The following ZFPM1 variants were observed in gnomAD, a reference collection of about 807,000 sequenced individuals.
ZFPM1 encodes zinc finger protein, FOG family member 1.
In ZFPM1, 28 loss-of-function variants were observed where a neutral mutation model predicts 46.3. The ratio of observed to expected loss-of-function variants is 0.60; its 90% CI spans 0.45 to 0.83. The LOEUF is 0.83. ZFPM1 is among the 40% of genes least tolerant of loss of function. ZFPM1 has a pLI of 0.00. For synonymous variants in ZFPM1, 957 were observed against 675.9 expected (o/e 1.42, Z -6.45); for missense variants, 1,878 against 1,432.4 (o/e 1.31, Z -5.02).
rs752835046 is a variant in ZFPM1, at chr16:88,534,084, G to A, written c.2126G>A (p.Arg709His). ...CACAAGCGGTACTACTGCGCCTCGC[G>A]CCACGACCCGCCGCCGCGCCGACCG... Reference protein sequence around the residue: ...TVHKRYYCASRHDPPPRRPAA... With the variant: ...TVHKRYYCASHHDPPPRRPAA... Residue 709 changes from arginine to histidine, a missense_variant, in exon 10 of 10, where the codon CGC becomes CAC. By Grantham distance (29) the Arg-to-His change is conservative. Transcript: ENST00000319555. 2.5e-6 allele frequency: 3 copies of A among 1,201,696 alleles called. No homozygotes were observed. The highest frequency in any genetic ancestry group is 3.2e-6 in the Non-Finnish European group (3 of 946,348). 74.4% of individuals were successfully genotyped at this position (1,201,696 alleles called of 1,614,324 possible). A position where few individuals can be genotyped will look rare whatever the true frequency, so the allele number is the denominator to read the frequency against.
intron 6 of ZFPM1, among the ~76,000 whole-genome samples, chr16:88,529,801 G>C (rs1912640103): frequency 6.6e-6 from 1 of 152,240 alleles, no homozygotes; most frequent in Admixed American, 6.5e-5. Context: ...GGGAGGGTCA[G>C]AGAGGAGGCC....
intron 4 of ZFPM1, among the ~76,000 whole-genome samples, chr16:88,515,111 C>T (rs1389214012): frequency 6.6e-6 from 1 of 152,238 alleles, no homozygotes; most frequent in Non-Finnish European, 1.5e-5. Context: ...CAAGTCAGTT[C>T]GGTTTCCTCC....
At chr16:88,523,901 G>A (rs945946907) in intron 4 of ZFPM1, among the ~76,000 whole-genome samples, 1 of 152,212 alleles carries the variant, frequency 6.6e-6, no homozygotes, top group Admixed American at 6.5e-5. Context: ...CATACGCGGG[G>A]TGCACTCGGC....
intron 4 of ZFPM1, chr16:88,516,692 C>T (rs1252707198): frequency 5.0e-6 from 2 of 398,132 alleles, no homozygotes; most frequent in South Asian, 1.3e-4. Context: ...GGGCCCCTGT[C>T]GCTCTTGGCT....
In ZFPM1 at chr16:88,471,935, C is replaced by A. The variant is rs114558673; in HGVS notation, c.41-14004C>A. On this transcript the variant is annotated intron_variant, in intron 1 of 9. Coordinates refer to ENST00000319555, the MANE Select transcript of ZFPM1 (RefSeq NM_153813.3). The surrounding 1 kb of genome is among the most constrained non-coding windows in gnomAD (Gnocchi z 4.1). ...AGGTCCGCAAGAGCCTTGGGTGGGC[C>A]GGGGCAGGGGCCGTGTGGTCTGCAG... is the stretch of plus-strand genomic sequence containing the variant. Among the ~76,000 whole-genome samples the A allele has an allele frequency of 6.6e-6, 1 of 152,182 alleles. No individual in the cohort carries two copies.
chr16:88,523,233 T>C (rs1912040390), intron 4 of ZFPM1, among the ~76,000 whole-genome samples: 1 of 150,770 alleles, frequency 6.6e-6, no homozygotes, highest in Non-Finnish European at 1.5e-5. Flanking sequence ...TAGGCCCCCT[T>C]CCCCCTTGCT....
At chr16:88,519,250 TGGATAGATGGATGAGTGGAG>T in intron 4 of ZFPM1, among the ~76,000 whole-genome samples, 1 of 150,138 alleles carries the variant, frequency 6.7e-6, no homozygotes, top group South Asian at 2.1e-4. Flanking sequence ...GCTGGGTGGA[TGGATAGATGGATGAGTGGAG>T]GGATGGATGG....
At position 88,532,324 on chromosome 16, in the gene ZFPM1, GCA is replaced by G. The variant is rs1040041449; in HGVS notation, c.946+95_946+96del. On this transcript the variant is annotated intron_variant, in intron 7 of 9. Transcript: ENST00000319555. ...GCCGCCCGGGAAAACCCACATGCAA[GCA>G]CACACGGTGCCACCATTCACCTGCG... is the stretch of plus-strand genomic sequence containing the variant. The G allele has an allele frequency of 1.2e-5, 15 of 1,276,482 alleles. No homozygotes were observed. In the African/African-American group the frequency reaches 1.9e-4, roughly 17 times the overall value. The allele number at this position is 1,276,482 out of a possible 1,614,324, so 79.1% of individuals were successfully genotyped here.
At position 88,532,119 on chromosome 16, in the gene ZFPM1, C is replaced by G. The variant is rs1487219658; in HGVS notation, c.830C>G (p.Ala277Gly). The G allele has an allele frequency of 6.2e-7, 1 of 1,612,500 alleles. No individual in the cohort carries two copies. The highest frequency in any genetic ancestry group is 1.3e-5 in the African/African-American group (1 of 74,924). The part of the protein sequence containing the change: ...RQGTGSPAAA[A>G]TDEKPKETYP... ...GGCACCGGCTCCCCGGCCGCAGCCG[C>G]CACAGACGAGAAGCCCAAAGAGACC... Residue 277 changes from alanine to glycine, a missense_variant, in exon 7 of 10, where the codon GCC (alanine) becomes GGC (glycine). Coordinates refer to ENST00000319555, the MANE Select transcript of ZFPM1 (RefSeq NM_153813.3).
chr16:88,519,230 T>A (rs1374614314), intron 4 of ZFPM1, among the ~76,000 whole-genome samples: 1 of 148,358 alleles, frequency 6.7e-6, no homozygotes, highest in Non-Finnish European at 1.5e-5. Flanking sequence ...TGTAGGTAGA[T>A]GGATTGATGG....
At chr16:88,475,372 G>A (rs1370696565) in intron 1 of ZFPM1, among the ~76,000 whole-genome samples, 4 of 152,190 alleles carry the variant, frequency 2.6e-5, no homozygotes, top group African/African-American at 7.2e-5. Flanking sequence ...GAAGGGCCTC[G>A]CTGAGCTGTG....
chr16:88,477,740 G>T (rs1204015319), intron 1 of ZFPM1, among the ~76,000 whole-genome samples: 1 of 152,262 alleles, frequency 6.6e-6, no homozygotes, highest in East Asian at 1.9e-4. Context: ...ATGCTTATGG[G>T]GATGCAGTTG....
intron 1 of ZFPM1, among the ~76,000 whole-genome samples, chr16:88,464,387 G>T (rs957635337): frequency 3.3e-5 from 5 of 152,232 alleles, no homozygotes; most frequent in African/African-American, 1.2e-4. Flanking sequence ...AAGTCCCAAG[G>T]CAGGAGGACG....
chr16:88,519,786 A>T (rs1235951649), intron 4 of ZFPM1, among the ~76,000 whole-genome samples: 2 of 77,182 alleles, frequency 2.6e-5, no homozygotes, highest in Non-Finnish European at 2.5e-5. Flanking sequence ...GATGGATAGG[A>T]GGGTGGGTGG....
intron 3 of ZFPM1, among the ~76,000 whole-genome samples, chr16:88,494,210 G>C (rs577867928): frequency 6.6e-6 from 1 of 152,224 alleles, no homozygotes; most frequent in East Asian, 1.9e-4. Context: ...GGGAGAAGCC[G>C]CCATCTGCAA....
chr16:88,517,324 C>A (rs1193077989), intron 4 of ZFPM1, among the ~76,000 whole-genome samples: 1 of 49,344 alleles, frequency 2.0e-5, no homozygotes, highest in African/African-American at 7.1e-5. Flanking sequence ...ATGAGTGGGT[C>A]GGTGGGTGGG....
At position 88,489,126 on chromosome 16, in the gene ZFPM1, G is replaced by A. The variant is rs1909411766; in HGVS notation, c.241G>A (p.Glu81Lys). The change falls in exon 3 of 10, where the codon GAG (glutamate) becomes AAG (lysine). Residue 81 changes from glutamate (E) to lysine (K), a missense_variant. Glu to Lys is a moderately conservative substitution (Grantham distance 56). Coordinates refer to ENST00000319555, the MANE Select transcript of ZFPM1 (RefSeq NM_153813.3). ...QEPEPRPTEE[E>K]PGSPWSGPDE... ...ACCAGAACCCAGGCCCACGGAGGAAGAGCCGGGCAGTCCCTGGAGCGGGCC... is the reference window on the plus strand; with the variant it reads ...ACCAGAACCCAGGCCCACGGAGGAAAAGCCGGGCAGTCCCTGGAGCGGGCC... 6.2e-7 allele frequency: 1 copy of A among 1,609,692 alleles called. No homozygotes were observed. Among genetic ancestry groups the A allele is most frequent in the East Asian group, 2.2e-5 (1 of 44,550 alleles).
intron 3 of ZFPM1, among the ~76,000 whole-genome samples, chr16:88,503,064 G>T (rs1910459600): frequency 6.6e-6 from 1 of 152,260 alleles, no homozygotes; most frequent in Non-Finnish European, 1.5e-5. Context: ...GCGGGGCAGG[G>T]TGGGTGGATG....
chr16:88,521,819 G>GTGCTGTTCCCTCCCCTA (rs1567550899), intron 4 of ZFPM1, among the ~76,000 whole-genome samples: 147 of 127,142 alleles, frequency 1.2e-3, no homozygotes, highest in African/African-American at 4.6e-3. Context: ...TCCCTCCCCT[G>GTGCTGTTCCCTCCCCTA]TGCTGTTCCC....
Sources: gnomAD v4.1 joint callset for allele counts (sites outside exome capture counted in the v4.1 genomes callset) on GRCh38, gnomAD v4.1.1 for gene constraint, Gnocchi (gnomAD v3.1) non-coding constraint, MANE v1.5 for transcripts, NCBI Gene and HGNC (gene_info 2026-07-23, HGNC 2026-07-21) for gene names.